CSMD3: variants seen among roughly 807,000 people sequenced by gnomAD.
CSMD3 encodes CUB and Sushi multiple domains 3, also known as CUB and sushi domain-containing protein 3.
In CSMD3, 177 loss-of-function variants were observed where a neutral mutation model predicts 435.2. That is an observed-to-expected ratio of 0.41 (90% CI 0.36 to 0.46). The LOEUF is 0.46. Ranked by LOEUF, CSMD3 falls within the 20% of genes least tolerant of loss-of-function variation. The pLI, the probability that CSMD3 is intolerant of heterozygous loss-of-function variation, is 0.34. For synonymous variants in CSMD3, 1,656 were observed against 1,520.5 expected (o/e 1.09, Z -2.07); for missense variants, 4,265 against 4,504.6 (o/e 0.95, Z 1.52).
At chr8:112,613,156 C>A (rs1833396458) in intron 22 of CSMD3, among the ~76,000 whole-genome samples, 1 of 152,016 alleles carries the variant, frequency 6.6e-6, no homozygotes, top group Non-Finnish European at 1.5e-5. Flanking sequence ...TTTAATTGTT[C>A]TTTTAAAAGG....
chr8:113,148,401 C>T (rs11987520), intron 4 of CSMD3, among the ~76,000 whole-genome samples: 3 of 151,632 alleles, frequency 2.0e-5, no homozygotes, highest in African/African-American at 7.3e-5. Context: ...TATATGCTCT[C>T]GTAGAATACT....
intron 32 of CSMD3, among the ~76,000 whole-genome samples, chr8:112,419,771 T>A (rs1812286095): frequency 6.6e-6 from 1 of 152,208 alleles, no homozygotes; most frequent in Non-Finnish European, 1.5e-5. Flanking sequence ...TCTTTAATTG[T>A]TCCAGGAGCA....
intron 20 of CSMD3, among the ~76,000 whole-genome samples, chr8:112,644,478 T>C (rs546937971): frequency 6.6e-6 from 1 of 152,172 alleles, no homozygotes; most frequent in East Asian, 1.9e-4. Context: ...TTATGAGTGG[T>C]TGAATCTCAT....
chr8:112,476,072 T>G (rs1819017928), intron 31 of CSMD3, among the ~76,000 whole-genome samples: 1 of 152,082 alleles, frequency 6.6e-6, no homozygotes, highest in African/African-American at 2.4e-5. Flanking sequence ...TGAGACCAAG[T>G]TTTGCTTTTG....
chr8:112,651,541 ATTTTTTTT>A (rs1254096334), intron 18 of CSMD3, among the ~76,000 whole-genome samples: 4 of 137,284 alleles, frequency 2.9e-5, no homozygotes, highest in Non-Finnish European at 6.4e-5. Context: ...CACCCAGTGC[ATTTTTTTT>A]TTTTTTTTGA....
chr8:113,241,820 C>T (rs1234205274), intron 3 of CSMD3, among the ~76,000 whole-genome samples: 1 of 151,862 alleles, frequency 6.6e-6, no homozygotes, highest in Non-Finnish European at 1.5e-5. Context: ...TGACACACAT[C>T]ACTGACTTTT....
chr8:112,620,297 T>C lies in CSMD3; in HGVS notation c.3715+16520A>G, dbSNP rs556161145. 2.6e-5 allele frequency among the ~76,000 whole-genome samples: 4 copies of C among 152,264 alleles called. No homozygotes were observed. In the East Asian group the frequency reaches 7.7e-4, roughly 29 times the overall value. The stretch of plus-strand genomic sequence containing the variant: ...TTTGGAAATTTCAGTAGGAACCGTA[T>C]GTTAAATTATTCCAAATGTAGTAAC... On this transcript the variant is annotated intron_variant, in intron 22 of 70. Transcript: ENST00000297405.
At chr8:112,924,621 T>C (rs1196958101) in intron 9 of CSMD3, among the ~76,000 whole-genome samples, 1 of 151,256 alleles carries the variant, frequency 6.6e-6, no homozygotes, top group Non-Finnish European at 1.5e-5. Context: ...ATAATAATTA[T>C]AATTATTATA....
At chr8:113,172,739 G>C (rs1321500807) in intron 4 of CSMD3, among the ~76,000 whole-genome samples, 1 of 152,098 alleles carries the variant, frequency 6.6e-6, no homozygotes, top group Non-Finnish European at 1.5e-5. Context: ...ATGTTTGGGA[G>C]GAAGCTACAA....
At chr8:113,049,811 A>G (rs555842534) in intron 5 of CSMD3, among the ~76,000 whole-genome samples, 2 of 152,344 alleles carry the variant, frequency 1.3e-5, no homozygotes, top group African/African-American at 2.4e-5. Context: ...ATTGATAAAG[A>G]GAATATTTTC....
chr8:112,574,636 A>G (rs1485114872), intron 23 of CSMD3, among the ~76,000 whole-genome samples: 2 of 152,010 alleles, frequency 1.3e-5, no homozygotes, highest in South Asian at 4.1e-4. Context: ...CATTCTCAAC[A>G]TAATCATTAT....
chr8:113,122,732 GA>G (rs1346129577), intron 4 of CSMD3, among the ~76,000 whole-genome samples: 1 of 152,080 alleles, frequency 6.6e-6, no homozygotes, highest in Non-Finnish European at 1.5e-5. Flanking sequence ...ATGCAGCTCT[GA>G]TAACACCTTG....
At chr8:113,249,587 C>T (rs2093315153) in intron 3 of CSMD3, among the ~76,000 whole-genome samples, 1 of 151,020 alleles carries the variant, frequency 6.6e-6, no homozygotes, top group Non-Finnish European at 1.5e-5. Context: ...TAGTACTTAC[C>T]CATGATTTTC....
At chr8:113,108,710 A>G (rs935202842) in intron 4 of CSMD3, among the ~76,000 whole-genome samples, 2 of 152,216 alleles carry the variant, frequency 1.3e-5, no homozygotes, top group African/African-American at 4.8e-5. Flanking sequence ...TGACATTTTT[A>G]AAATACCATT....
Position 112,409,012 on chromosome 8 carries a change from A to T in CSMD3, c.5416T>A (p.Phe1806Ile). The part of the protein sequence containing the change: ...KEFVVFGQFV[F>I]FQTSLHDVVE... ...ACATCGTGGAGTGATGTCTGGAAAAATACAAACTGGCCAAACACCACTGAT... is the reference window on the plus strand; with the variant it reads ...ACATCGTGGAGTGATGTCTGGAAAATTACAAACTGGCCAAACACCACTGAT... Residue 1806 changes from phenylalanine to isoleucine, a missense_variant, in exon 33 of 71, where the codon TTT becomes ATT. Physicochemically the swap from Phe to Ile is conservative, Grantham distance 21 (BLOSUM62 0). Around this residue, in one of 3 missense-constraint regions of CSMD3, gnomAD observed 3,255 missense variants for 3,380.2 expected, o/e 0.96. Coordinates refer to ENST00000297405, the MANE Select transcript of CSMD3 (RefSeq NM_198123.2). 3 of 1,613,630 alleles carry T rather than the reference A, an allele frequency of 1.9e-6. No individual in the cohort carries two copies. Among genetic ancestry groups the T allele is most frequent in the Non-Finnish European group, 2.5e-6 (3 of 1,179,686 alleles).
chr8:112,518,629 T>TGAGAGA (rs3080191), intron 27 of CSMD3, among the ~76,000 whole-genome samples: 6 of 124,218 alleles, frequency 4.8e-5, no homozygotes, highest in East Asian at 2.3e-4. Flanking sequence ...TGTGTGTGTG[T>TGAGAGA]GAGAGAGAGA....
At chr8:112,250,954 T>A (rs1173141870) in intron 63 of CSMD3, among the ~76,000 whole-genome samples, 1 of 151,768 alleles carries the variant, frequency 6.6e-6, no homozygotes, top group Non-Finnish European at 1.5e-5. Context: ...ATATCTTAGT[T>A]CCTAAATCAT....
chr8:112,560,102 CATT>C (rs1027479407), intron 24 of CSMD3, among the ~76,000 whole-genome samples: 4 of 151,728 alleles, frequency 2.6e-5, no homozygotes, highest in Non-Finnish European at 5.9e-5. Flanking sequence ...TAATTTGCAT[CATT>C]GACTTTCTAG....
intron 9 of CSMD3, among the ~76,000 whole-genome samples, chr8:112,929,749 G>A (rs1208368755): frequency 6.6e-6 from 1 of 151,878 alleles, no homozygotes; most frequent in African/African-American, 2.4e-5. Flanking sequence ...TGCTTTTGAA[G>A]GTTACTAGTA....
Sources: gnomAD v4.1 joint callset for allele counts (sites outside exome capture counted in the v4.1 genomes callset) on GRCh38, gnomAD v4.1.1 for gene constraint, gnomAD v4.1.1 regional missense constraint, MANE v1.5 for transcripts, NCBI Gene and HGNC (gene_info 2026-07-23, HGNC 2026-07-21) for gene names.